Variants in SGF29 observed in about 807,000 individuals in gnomAD.
SGF29 encodes the protein SAGA complex associated factor 29, also known as SAGA-associated factor 29.
In SGF29, 15 loss-of-function variants were observed where a neutral mutation model predicts 38.1. The observed-to-expected ratio is 0.39, with a 90% CI of 0.26 to 0.61. The LOEUF is 0.61. Among genes scored for constraint, SGF29 ranks in the 20% least tolerant of loss-of-function variants. The probability of loss-of-function intolerance (pLI) is 0.49; values close to 1 mark genes in which losing one functional copy is unlikely to be tolerated. For synonymous variants in SGF29, 151 were observed against 160.8 expected, an observed-to-expected ratio of 0.94 and a Z score of 0.46; for missense variants, 184 against 394.6, an observed-to-expected ratio of 0.47 and a Z score of 4.52.
chr16:28,558,918 A>G lies in SGF29; in HGVS notation c.-16+4821A>G, dbSNP rs376987589. Among the ~76,000 whole-genome samples the G allele has an allele frequency of 9.2e-5, 14 of 152,320 alleles. No individual in the cohort carries two copies. In the East Asian group the frequency reaches 2.1e-3, roughly 23 times the overall value. On this transcript the variant is annotated intron_variant, in intron 1 of 9. Coordinates refer to ENST00000317058, the MANE Select transcript of SGF29 (RefSeq NM_138414.3). ...AGAAGGGGGTGGGGAATGACTGCTA[A>G]TGAGTATAAGGTTTTAAGGAGAGTT...
At chr16:28,570,292 G>A (rs1309225720) in intron 1 of SGF29, among the ~76,000 whole-genome samples, 1 of 152,212 alleles carries the variant, frequency 6.6e-6, no homozygotes, top group Non-Finnish European at 1.5e-5. Flanking sequence ...AGTTGAAGAA[G>A]GTTGTTCAGA....
rs372215600 is a variant in SGF29, at chr16:28,591,214, G to A, written c.765+279G>A. On this transcript the variant is annotated intron_variant, in intron 9 of 9. Transcript: ENST00000317058. Reference sequence around the variant, plus strand: ...CTGCCCTGAGCCCTGGGCTCCTACCGCCTTGTGCTCTTGGTGACATGGGAC... The same window carrying A: ...CTGCCCTGAGCCCTGGGCTCCTACCACCTTGTGCTCTTGGTGACATGGGAC... Among the ~76,000 whole-genome samples the A allele has an allele frequency of 3.9e-5, 6 of 152,222 alleles. No individual in the cohort carries two copies. The East Asian group carries it at 9.6e-4, about 24-fold the overall frequency.
chr16:28,584,586 G>A (rs2046944339), intron 2 of SGF29, among the ~76,000 whole-genome samples: 1 of 152,002 alleles, frequency 6.6e-6, no homozygotes. Flanking sequence ...TCAGGAGATC[G>A]AGACCATCCT....
intron 1 of SGF29, among the ~76,000 whole-genome samples, chr16:28,564,779 A>ATATG (rs1388795522): frequency 1.6e-5 from 2 of 126,782 alleles, no homozygotes; most frequent in African/African-American, 5.8e-5. Context: ...ATATGTATAT[A>ATATG]TATATATACA....
rs2046978971 is a variant in SGF29 at position 28,590,079 on chromosome 16, T to A, written c.290-17T>A. On this transcript the variant is annotated splice_polypyrimidine_tract_variant and intron_variant, in intron 5 of 9. Transcript: ENST00000317058. This position sits in a 1 kb window ranked among gnomAD's most constrained non-coding sequence, Gnocchi z 8.2. ...GCACCTATCCCTGGGGCCTCAGGCC[T>A]CCCTTCCTTCCCACAGCGGCCAAGA... The A allele has an allele frequency of 1.9e-6, 3 of 1,607,068 alleles. No individual in the cohort carries two copies. In the South Asian group the frequency reaches 3.4e-5, roughly 18 times the overall value.
intron 1 of SGF29, among the ~76,000 whole-genome samples, chr16:28,574,617 T>C (rs1372812020): frequency 6.6e-6 from 1 of 152,152 alleles, no homozygotes; most frequent in African/African-American, 2.4e-5. Flanking sequence ...CCTATAACAG[T>C]TTCAGCCAGG....
intron 1 of SGF29, 23 bp from the exon 2 acceptor site, chr16:28,581,032 T>C: frequency 7.6e-6 from 12 of 1,577,044 alleles, no homozygotes; most frequent in Non-Finnish European, 1.0e-5. Flanking sequence ...CAGAGTTCTC[T>C]TCTGTCCTCG....
chr16:28,572,913 G>A (rs894632920), intron 1 of SGF29, among the ~76,000 whole-genome samples: 1 of 151,370 alleles, frequency 6.6e-6, no homozygotes, highest in Non-Finnish European at 1.5e-5. Context: ...ACATTCCTCC[G>A]TGTCACTTTC....
At chr16:28,572,544 C>T (rs11074911) in intron 1 of SGF29, among the ~76,000 whole-genome samples, 48,569 of 151,852 alleles carry the variant, frequency 0.32, 8,512 homozygotes, top group Non-Finnish European at 0.38. Context: ...GCTGGTATTA[C>T]AGGCGTGAGC....
At chr16:28,564,615 ACATATATG>A (rs2046815293) in intron 1 of SGF29, among the ~76,000 whole-genome samples, 1 of 130,068 alleles carries the variant, frequency 7.7e-6, no homozygotes, top group Non-Finnish European at 1.6e-5. Flanking sequence ...GTATATATAT[ACATATATG>A]CATATATATA....
At chr16:28,576,100 TCAGAAGGTTAAA>T (rs1211667795) in intron 1 of SGF29, among the ~76,000 whole-genome samples, 2 of 152,192 alleles carry the variant, frequency 1.3e-5, no homozygotes, top group Non-Finnish European at 2.9e-5. Context: ...ATGCAGCTCC[TCAGAAGGTTAAA>T]CAGAGTTTAT....
chr16:28,578,514 T>G (rs2046907409), intron 1 of SGF29, among the ~76,000 whole-genome samples: 1 of 152,110 alleles, frequency 6.6e-6, no homozygotes, highest in Admixed American at 6.6e-5. Context: ...TACCCTCTAT[T>G]CCTAGTTTGT....
intron 4 of SGF29, among the ~76,000 whole-genome samples, chr16:28,588,441 A>G (rs896118272): frequency 6.6e-6 from 1 of 152,144 alleles, no homozygotes; most frequent in Non-Finnish European, 1.5e-5. Context: ...GGGTTTGCCG[A>G]AGGCAGTTTG....
rs11644101 is a variant in SGF29, at chr16:28,564,537, A to G, written c.-16+10440A>G. 6.1e-3 allele frequency among the ~76,000 whole-genome samples: 655 copies of G among 107,274 alleles called. 6 individuals carry two copies. The highest frequency in any genetic ancestry group is 0.011 in the Non-Finnish European group (559 of 51,564). The allele number at this position is 107,274 out of a possible 152,430, so 70.4% of individuals were successfully genotyped here. ...TATATATATGTGTGTGTATATATAT[A>G]TGTATATATATACGTATATATATAT... On this transcript the variant is annotated intron_variant, in intron 1 of 9. Transcript: ENST00000317058.
intron 1 of SGF29, among the ~76,000 whole-genome samples, chr16:28,555,793 A>G (rs958426044): frequency 3.9e-5 from 6 of 152,326 alleles, no homozygotes; most frequent in Admixed American, 3.3e-4. Flanking sequence ...AGTTGCCTCA[A>G]TCATCATTTT....
chr16:28,554,516 A>G (rs2046734264), intron 1 of SGF29, among the ~76,000 whole-genome samples: 2 of 152,174 alleles, frequency 1.3e-5, no homozygotes, highest in Non-Finnish European at 2.9e-5. Flanking sequence ...TTAACAAGAT[A>G]CACTAACAGC....
At chr16:28,564,627 A>G (rs1427982631) in intron 1 of SGF29, among the ~76,000 whole-genome samples, 112 of 126,000 alleles carry the variant, frequency 8.9e-4, no homozygotes, top group African/African-American at 3.2e-3. Context: ...ATATATGCAT[A>G]TATATACGTA....
At chr16:28,571,573 C>A (rs373368569) in intron 1 of SGF29, among the ~76,000 whole-genome samples, 2 of 136,810 alleles carry the variant, frequency 1.5e-5, no homozygotes, top group African/African-American at 5.4e-5. Context: ...AGCCTGGCGA[C>A]AGAACTAGAC....
chr16:28,578,684 T>A (rs2046908574), intron 1 of SGF29, among the ~76,000 whole-genome samples: 1 of 138,986 alleles, frequency 7.2e-6, no homozygotes, highest in Non-Finnish European at 1.5e-5. Context: ...TGAACAACTT[T>A]AAAAAAAAAA....
Sources: gnomAD v4.1 joint callset for allele counts (sites outside exome capture counted in the v4.1 genomes callset) on GRCh38, gnomAD v4.1.1 for gene constraint, Gnocchi (gnomAD v3.1) non-coding constraint, MANE v1.5 for transcripts, NCBI Gene and HGNC (gene_info 2026-07-23, HGNC 2026-07-21) for gene names.